The following ABCA4 variants were observed in gnomAD, a reference collection of about 807,000 sequenced individuals.
ABCA4 encodes ATP binding cassette subfamily A member 4.
A neutral mutation model predicts 263.7 loss-of-function variants in ABCA4; 196 were observed. The observed-to-expected ratio is 0.74, with a 90% CI of 0.66 to 0.84. The LOEUF is 0.84. Ranked by LOEUF, ABCA4 falls within the 40% of genes least tolerant of loss-of-function variation. The pLI is 0.00. For missense variants in ABCA4, 2,792 were observed against 2,855.1 expected (o/e 0.98, Z 0.50); for synonymous variants, 1,133 against 1,094.2 (o/e 1.04, Z -0.70).
In ABCA4 at chr1:94,019,792, G is replaced by A. The variant is rs1292609272; in HGVS notation, c.5019-33C>T. 9 of 1,595,020 alleles carry A rather than the reference G, an allele frequency of 5.6e-6. No individual in the cohort carries two copies. In the East Asian group the frequency reaches 6.8e-5, roughly 12 times the overall value. ...AGGGCCAGAGACACAGGGAGAGGGC[G>A]ATGAAGAGGGAAGAGCAGAAGGAGG... On this transcript the variant is annotated intron_variant, in intron 35 of 49. Transcript: ENST00000370225.
At chr1:94,001,587 C>T (rs115600819) in intron 45 of ABCA4, 6,407 of 627,302 alleles carry the variant, frequency 0.01, 71 homozygotes, top group Non-Finnish European at 0.013. Flanking sequence ...GGCTGAACTT[C>T]CCGGCTGTGA....
chr1:93,998,522 C>CA (rs1196555008), intron 47 of ABCA4, among the ~76,000 whole-genome samples: 11 of 151,764 alleles, frequency 7.2e-5, no homozygotes, highest in African/African-American at 2.4e-4. Context: ...ACAAGAACAA[C>CA]AAAAAAAGAA....
rs1661575300 is a variant in ABCA4, at chr1:94,077,750, G to A, written c.1494C>T (p.Asp498=). 2 of 1,614,068 alleles carry A rather than the reference G, an allele frequency of 1.2e-6. No homozygotes were observed. Among genetic ancestry groups the A allele is most frequent in the African/African-American group, 2.7e-5 (2 of 74,942 alleles). The change falls in exon 11 of 50, where the codon GAC becomes GAT. Residue 498 remains aspartate, a synonymous_variant. Transcript: ENST00000370225. ...CAGTGATGTTAAATATGTCCCTCCA[G>A]TCGAAGTTGGCCATGTCGTCAGCCT... ...ESQADDMANF[D]WRDIFNITDR...
chr1:94,040,249 A>G (rs764369996), intron 23 of ABCA4, 122 bp from the exon 24 acceptor site: 4 of 801,680 alleles, frequency 5.0e-6, no homozygotes, highest in Admixed American at 2.0e-5. Context: ...TAGTCAACAC[A>G]TTTTTTTCTT....
chr1:94,008,342 G>T, intron 41 of ABCA4, 45 bp from the exon 42 acceptor site: 2 of 1,580,100 alleles, frequency 1.3e-6, no homozygotes, highest in Non-Finnish European at 1.7e-6. Context: ...GACAGGGTGA[G>T]AGCAAGGAGG....
intron 18 of ABCA4, among the ~76,000 whole-genome samples, chr1:94,048,515 T>A (rs1660748906): frequency 6.6e-6 from 1 of 152,246 alleles, no homozygotes; most frequent in African/African-American, 2.4e-5. Context: ...TCTTTCCTTA[T>A]AGCTCATATC....
At chr1:94,051,588 A>G (rs760221612) in intron 17 of ABCA4, 45 bp downstream of exon 17, 1 of 1,518,932 alleles carries the variant, frequency 6.6e-7, no homozygotes, top group Non-Finnish European at 9.1e-7. Flanking sequence ...ACAGAGCCCA[A>G]GGAGTTGATT....
At chr1:94,046,572 G>T (rs1486468112) in intron 19 of ABCA4, among the ~76,000 whole-genome samples, 1 of 152,016 alleles carries the variant, frequency 6.6e-6, no homozygotes, top group African/African-American at 2.4e-5. Context: ...CTGTTGAGAT[G>T]GGGGGAAAGA....
At chr1:94,031,615 GA>G (rs1353070629) in intron 27 of ABCA4, among the ~76,000 whole-genome samples, 162 bp downstream of exon 27, 2 of 152,094 alleles carry the variant, frequency 1.3e-5, no homozygotes, top group Non-Finnish European at 2.9e-5. Context: ...ATGTTACCAA[GA>G]ATCAAGATAA....
At chr1:94,062,788 G>A (rs1403198909) in intron 12 of ABCA4, 35 bp from the exon 13 acceptor site, 4 of 1,607,266 alleles carry the variant, frequency 2.5e-6, no homozygotes, top group Admixed American at 3.4e-5. Context: ...GATGGGAACG[G>A]GCTTGGATAG....
intron 4 of ABCA4, among the ~76,000 whole-genome samples, chr1:94,106,130 G>T (rs920232030): frequency 1.3e-5 from 2 of 152,180 alleles, no homozygotes; most frequent in Non-Finnish European, 2.9e-5. Context: ...ATCTTGCAGA[G>T]CCCCCATTCC....
intron 26 of ABCA4, among the ~76,000 whole-genome samples, chr1:94,034,761 G>T (rs1321769066): frequency 6.6e-6 from 1 of 151,972 alleles, no homozygotes; most frequent in Non-Finnish European, 1.5e-5. Context: ...CCCCTGCCCT[G>T]CCTGCTTCAT....
intron 24 of ABCA4, among the ~76,000 whole-genome samples, chr1:94,038,497 T>C (rs1287361966): frequency 6.6e-6 from 1 of 152,238 alleles, no homozygotes; most frequent in African/African-American, 2.4e-5. Context: ...AGGGATTTCA[T>C]GGTTTTCAAC....
At chr1:94,080,420 A>C in intron 8 of ABCA4, 58 bp downstream of exon 8, 1 of 1,610,904 alleles carries the variant, frequency 6.2e-7, no homozygotes, top group Non-Finnish European at 8.5e-7. Context: ...AGAAGTGTTA[A>C]ACCATCAACT....
At chr1:94,026,173 G>T (rs115796557) in intron 30 of ABCA4, among the ~76,000 whole-genome samples, 1 of 152,126 alleles carries the variant, frequency 6.6e-6, no homozygotes, top group African/African-American at 2.4e-5. Context: ...TTACACCGCC[G>T]TTATTGCGCA....
intron 11 of ABCA4, among the ~76,000 whole-genome samples, chr1:94,066,963 G>T (rs1661283664): frequency 6.6e-6 from 1 of 152,178 alleles, no homozygotes; most frequent in African/African-American, 2.4e-5. Context: ...AAATAGCCCT[G>T]CGTGGCTGCT....
intron 20 of ABCA4, among the ~76,000 whole-genome samples, chr1:94,044,345 G>C (rs953104065): frequency 3.3e-5 from 5 of 152,174 alleles, no homozygotes; most frequent in African/African-American, 7.2e-5. Context: ...CTCGGGGATC[G>C]ATCAGCTGCT....
chr1:94,086,326 G>A (rs1434350857), intron 6 of ABCA4, among the ~76,000 whole-genome samples: 2 of 152,188 alleles, frequency 1.3e-5, no homozygotes, highest in Non-Finnish European at 1.5e-5. Context: ...GGTTCTGTAA[G>A]ACAAGTCTGC....
chr1:94,114,653 A>AT lies in ABCA4; in HGVS notation c.67-1588dup, dbSNP rs768020659. On this transcript the variant is annotated intron_variant, in intron 1 of 49. Transcript: ENST00000370225. ...AGGTGCCCACCACCATGCCCGGCTAATTTTTTTGTATTTTTAGTAGAGACG... is the reference window on the plus strand; with the variant it reads ...AGGTGCCCACCACCATGCCCGGCTAATTTTTTTTGTATTTTTAGTAGAGACG... 1.1e-4 allele frequency among the ~76,000 whole-genome samples: 17 copies of AT among 152,034 alleles called. No homozygotes were observed. In the East Asian group the frequency reaches 1.9e-3, roughly 17 times the overall value.
Sources: allele counts gnomAD v4.1 joint callset (sites outside exome capture counted in the v4.1 genomes callset), GRCh38; gene constraint gnomAD v4.1.1; transcripts MANE v1.5; gene names NCBI Gene and HGNC (gene_info 2026-07-23, HGNC 2026-07-21).